The following SATB2 variants were observed in gnomAD, a reference collection of about 807,000 sequenced individuals.
SATB2 encodes the protein SATB homeobox 2, also known as DNA-binding protein SATB2.
SATB2 carries 1 observed loss-of-function variant against 73.4 expected under a neutral mutation model. The observed-to-expected ratio is 0.01, with a 90% confidence interval of 0.00 to 0.06. SATB2 has a LOEUF of 0.06. Ranked by LOEUF, SATB2 falls within the 10% of genes least tolerant of loss-of-function variation. The pLI is 1.00. For missense variants in SATB2, 459 were observed against 945.8 expected (o/e 0.49, Z 6.75); for synonymous variants, 397 against 367.0 (o/e 1.08, Z -0.93).
intron 2 of SATB2, among the ~76,000 whole-genome samples, chr2:199,435,551 C>A (rs1435909628): frequency 6.6e-6 from 1 of 152,076 alleles, no homozygotes; most frequent in African/African-American, 2.4e-5. Context: ...TCCATGTTGG[C>A]CAGGCTGGTC....
upstream of SATB2, chr2:199,470,106 C>G (rs1692675516): frequency 6.6e-6 from 1 of 152,374 alleles, no homozygotes; most frequent in Non-Finnish European, 1.5e-5. Context: ...GATTGTGTGG[C>G]TGGGAAGACA....
At chr2:199,446,456 A>C (rs1020204887) in intron 2 of SATB2, among the ~76,000 whole-genome samples, 2 of 152,192 alleles carry the variant, frequency 1.3e-5, no homozygotes, top group African/African-American at 2.4e-5. Flanking sequence ...TACTTGGGGA[A>C]GAGGGACATG....
At chr2:199,292,416 T>TGGG (rs1692896026) in intron 10 of SATB2, among the ~76,000 whole-genome samples, 1 of 152,206 alleles carries the variant, frequency 6.6e-6, no homozygotes, top group Non-Finnish European at 1.5e-5. Flanking sequence ...GCAAATGTAT[T>TGGG]CAAGCCATGT....
Position 199,272,231 on chromosome 2 carries a change from C to T in SATB2, c.2182G>A (p.Ala728Thr). The change falls in exon 11 of 11, where the codon GCC (alanine) becomes ACC (threonine). Residue 728 changes from alanine (A) to threonine (T), a missense_variant. Physicochemically the swap from Ala to Thr is moderately conservative, Grantham distance 58. This residue lies in a region of SATB2 where 41 missense variants were observed against 38.6 expected (regional missense o/e 1.06). Transcript: ENST00000417098. The surrounding 1 kb of genome is among the most constrained non-coding windows in gnomAD (Gnocchi z 6.7). ...ENADKSKAAP[A>T]EIDQR ...TCACATTATCTCTGGTCAATTTCGG[C>T]AGGTGCTGCCTTGCTTTTGTCAGCA... 7 of 1,614,130 alleles carry T rather than the reference C, an allele frequency of 4.3e-6. No individual in the cohort carries two copies. The highest frequency in any genetic ancestry group is 5.9e-6 in the Non-Finnish European group (7 of 1,180,008).
chr2:199,301,717 C>T (rs1464826947), intron 10 of SATB2, among the ~76,000 whole-genome samples: 1 of 152,064 alleles, frequency 6.6e-6, no homozygotes, highest in Admixed American at 6.6e-5. Context: ...AGAGCACGAA[C>T]CGTGGGCAGG....
In SATB2 at chr2:199,291,161, A is replaced by C. The variant is rs551277529; in HGVS notation, c.1740+17599T>G. Among the ~76,000 whole-genome samples, 3 of 152,350 alleles carry C rather than the reference A, an allele frequency of 2.0e-5. No homozygotes were observed. The South Asian group carries it at 6.2e-4, about 32-fold the overall frequency. On this transcript the variant is annotated intron_variant, in intron 10 of 10. Coordinates refer to ENST00000417098, the MANE Select transcript of SATB2 (RefSeq NM_001172509.2). The stretch of plus-strand genomic sequence containing the variant: ...GAATGAACAAAGAGAGACTTTGTGA[A>C]GAAACAACAAAGAAAAAAAGTAACA...
chr2:199,304,005 C>A (rs758458866), intron 10 of SATB2, among the ~76,000 whole-genome samples: 3 of 152,174 alleles, frequency 2.0e-5, no homozygotes, highest in Non-Finnish European at 4.4e-5. Flanking sequence ...CAAGTGCTCC[C>A]TAATCACCCT....
intron 2 of SATB2, among the ~76,000 whole-genome samples, chr2:199,451,241 G>C (rs1008858427): frequency 5.3e-5 from 8 of 151,804 alleles, no homozygotes; most frequent in African/African-American, 1.9e-4. Context: ...GACTTTGAGG[G>C]GCGGATACCC....
intron 3 of SATB2, among the ~76,000 whole-genome samples, chr2:199,407,057 ACACCTGTAATCCCAGCATCT>A (rs1231801719): frequency 1.3e-5 from 2 of 152,100 alleles, no homozygotes; most frequent in Admixed American, 6.6e-5. Context: ...GTGGCGGCTC[ACACCTGTAATCCCAGCATCT>A]TGGGAGGATG....
At chr2:199,322,480 G>A (rs1310889479) in intron 9 of SATB2, among the ~76,000 whole-genome samples, 33 of 152,102 alleles carry the variant, frequency 2.2e-4, no homozygotes, top group Admixed American at 2.0e-3. Context: ...TTCTTTTCAT[G>A]TATTTCATAC....
At chr2:199,422,573 T>C (rs971951127) in intron 3 of SATB2, among the ~76,000 whole-genome samples, 3 of 152,222 alleles carry the variant, frequency 2.0e-5, no homozygotes, top group Non-Finnish European at 4.4e-5. Flanking sequence ...GTATAATTAC[T>C]ATTCACTTGG....
At chr2:199,403,827 G>T (rs957872521) in intron 3 of SATB2, among the ~76,000 whole-genome samples, 4 of 152,080 alleles carry the variant, frequency 2.6e-5, no homozygotes, top group Non-Finnish European at 5.9e-5. Flanking sequence ...AAATCAATCT[G>T]GTCGGTTAGC....
chr2:199,315,491 G>C (rs761386598), intron 9 of SATB2, among the ~76,000 whole-genome samples: 10 of 151,944 alleles, frequency 6.6e-5, no homozygotes, highest in Non-Finnish European at 1.2e-4. Context: ...AGGAGGGGAG[G>C]GGCACACCAC....
rs557881811 is a variant in SATB2 at position 199,289,449 on chromosome 2, C to T, written c.1741-16777G>A. Among the ~76,000 whole-genome samples, 8 of 152,252 alleles carry T rather than the reference C, an allele frequency of 5.3e-5. No homozygotes were observed. The East Asian group carries it at 1.5e-3, about 29-fold the overall frequency. ...ATTCCAGTCTCCGAGCAGCAGAGGACCATGCTACTCCCACAAGGCCATTCA... is the reference window on the plus strand; with the variant it reads ...ATTCCAGTCTCCGAGCAGCAGAGGATCATGCTACTCCCACAAGGCCATTCA... On this transcript the variant is annotated intron_variant, in intron 10 of 10. Coordinates refer to ENST00000417098, the MANE Select transcript of SATB2 (RefSeq NM_001172509.2).
intron 3 of SATB2, among the ~76,000 whole-genome samples, chr2:199,413,780 A>G (rs1392179753): frequency 6.6e-6 from 1 of 152,080 alleles, no homozygotes; most frequent in East Asian, 1.9e-4. Flanking sequence ...TCAACTGGGT[A>G]TCTGGAGATC....
chr2:199,297,842 A>G (rs1274965453), intron 10 of SATB2, among the ~76,000 whole-genome samples: 2 of 152,072 alleles, frequency 1.3e-5, no homozygotes, highest in Admixed American at 1.3e-4. Flanking sequence ...GTCATACCCA[A>G]TGGCATTTTA....
intron 9 of SATB2, among the ~76,000 whole-genome samples, chr2:199,321,946 A>G (rs925117369): frequency 1.3e-5 from 2 of 152,188 alleles, no homozygotes; most frequent in African/African-American, 4.8e-5. Flanking sequence ...ATTAATTCCC[A>G]GAACTATGTT....
At chr2:199,285,338 T>C (rs189273010) in intron 10 of SATB2, among the ~76,000 whole-genome samples, 8 of 149,106 alleles carry the variant, frequency 5.4e-5, no homozygotes, top group African/African-American at 1.7e-4. Flanking sequence ...GTAGGAGAAA[T>C]TACACATGCA....
rs934885375 is a variant in SATB2 at position 199,271,232 on chromosome 2, G to A, written c.*979C>T. 4.6e-5 allele frequency: 7 copies of A among 152,736 alleles called. 1 individual carries two copies. The highest frequency in any genetic ancestry group is 1.7e-4 in the African/African-American group (7 of 41,424). 9.5% of individuals were successfully genotyped at this position (152,736 alleles called of 1,614,324 possible). On this transcript the variant is annotated 3_prime_UTR_variant, in exon 11 of 11. Coordinates refer to ENST00000417098, the MANE Select transcript of SATB2 (RefSeq NM_001172509.2). ...GTGGCTCATACTATGAATTCCATAT[G>A]TCCAATGTCAAAATGTCATTTGATC... is the stretch of plus-strand genomic sequence containing the variant.
Sources: gnomAD v4.1 joint callset for allele counts (sites outside exome capture counted in the v4.1 genomes callset) on GRCh38, gnomAD v4.1.1 for gene constraint, gnomAD v4.1.1 regional missense constraint, Gnocchi (gnomAD v3.1) non-coding constraint, MANE v1.5 for transcripts, NCBI Gene and HGNC (gene_info 2026-07-23, HGNC 2026-07-21) for gene names.